ARHGEF2: variants seen among roughly 807,000 people sequenced by gnomAD.
ARHGEF2 encodes Rho/Rac guanine nucleotide exchange factor 2, also known as rho guanine nucleotide exchange factor 2.
In ARHGEF2, 22 loss-of-function variants were observed where a neutral mutation model predicts 121.0. That is an observed-to-expected ratio of 0.18 (90% CI 0.13 to 0.26). The LOEUF (loss-of-function observed/expected upper bound fraction) is 0.26. ARHGEF2 is among the 10% of genes least tolerant of loss of function. ARHGEF2 has a pLI of 1.00. For missense variants in ARHGEF2, 907 were observed against 1,336.0 expected (o/e 0.68, Z 5.01); for synonymous variants, 487 against 530.0 (o/e 0.92, Z 1.11).
chr1:155,965,734 C>A lies in ARHGEF2; in HGVS notation c.367G>T (p.Ala123Ser). ...KTTIRERPSS[A>S]IYPSDSFRQS... ...CGGAAGCTGTCGGAGGGGTAGATGG[C>A]CGAGCTTGGCCGCTCCCGGATGGTT... The change falls in exon 5 of 22, where the codon GCC becomes TCC. Residue 123 changes from alanine (A) to serine (S), a missense_variant. Physicochemically the swap from Ala to Ser is moderately conservative, Grantham distance 99. This residue lies in a region of ARHGEF2 where 475 missense variants were observed against 776.5 expected (regional missense o/e 0.61). Transcript: ENST00000361247. The surrounding 1 kb of genome is among the most constrained non-coding windows in gnomAD (Gnocchi z 6.0). The A allele has an allele frequency of 6.2e-7, 1 of 1,600,336 alleles. No individual in the cohort carries two copies. The highest frequency in any genetic ancestry group is 1.8e-5 in the Admixed American group (1 of 55,308).
At chr1:155,957,996 C>G in intron 12 of ARHGEF2, 114 bp from the exon 13 acceptor site, 1 of 1,132,978 alleles carries the variant, frequency 8.8e-7, no homozygotes, top group Non-Finnish European at 1.2e-6. Context: ...TCTTACAATA[C>G]CAGTTAAGAG....
At chr1:155,949,833 C>T (rs566861047) in intron 21 of ARHGEF2, among the ~76,000 whole-genome samples, 29 of 151,826 alleles carry the variant, frequency 1.9e-4, no homozygotes, top group Admixed American at 1.4e-3. Context: ...GCCAAGATCA[C>T]GCCACTGCAC....
upstream of ARHGEF2, chr1:155,978,653 C>T (rs1039961989): frequency 4.7e-5 from 54 of 1,161,130 alleles, no homozygotes; most frequent in Admixed American, 1.6e-4. This position sits in a 1 kb window ranked among gnomAD's most constrained non-coding sequence, Gnocchi z 4.1. Flanking sequence ...TGCCCGCGCG[C>T]AGGACGGGAC....
intron 2 of ARHGEF2, 158 bp downstream of exon 2, chr1:155,968,993 GAGGAC>G (rs1421028074): frequency 2.5e-6 from 2 of 785,762 alleles, no homozygotes; most frequent in Non-Finnish European, 4.1e-6. Flanking sequence ...CCCTCAGAGT[GAGGAC>G]AGGGAGCAAG....
At chr1:155,953,344 G>A (rs1275002234) in intron 14 of ARHGEF2, among the ~76,000 whole-genome samples, 8 of 151,800 alleles carry the variant, frequency 5.3e-5, no homozygotes, top group South Asian at 2.1e-4. Flanking sequence ...CCTTTAATGA[G>A]AAAATGCATA....
chr1:155,950,991 T>C lies in ARHGEF2; in HGVS notation c.2541A>G (p.Ala847=). The stretch of plus-strand genomic sequence containing the variant: ...CCTCTTCGGCCTCACGCTCCAGCAG[T>C]GCCCGGGCCTGCTCACTCTCCCGGA... ...ARLRESEQAR[A]LLEREAEEAR... The change falls in exon 20 of 22, where the codon GCA becomes GCG. Residue 847 remains alanine, a synonymous_variant. Transcript: ENST00000361247. This position sits in a 1 kb window ranked among gnomAD's most constrained non-coding sequence, Gnocchi z 5.2. 2.5e-6 allele frequency: 4 copies of C among 1,608,706 alleles called. No individual in the cohort carries two copies. Among genetic ancestry groups the C allele is most frequent in the Non-Finnish European group, 3.4e-6 (4 of 1,178,694 alleles).
intron 1 of ARHGEF2, chr1:155,969,823 C>A: frequency 1.5e-5 from 15 of 986,680 alleles, no homozygotes; most frequent in Non-Finnish European, 1.8e-5. Context: ...GCAGGAGATC[C>A]CCTTATTAGA....
rs1351140688 is a variant in ARHGEF2 at position 155,969,187 on chromosome 1, G to A, written c.177C>T (p.Ser59=). 5 of 1,614,242 alleles carry A rather than the reference G, an allele frequency of 3.1e-6. No homozygotes were observed. In the East Asian group the frequency reaches 1.1e-4, roughly 36 times the overall value. Residue 59 remains serine (S), a synonymous_variant, in exon 2 of 22, where the codon AGC becomes AGT. Transcript: ENST00000361247. ...GMTMCYACNK[S]ITAKEALICP... The stretch of plus-strand genomic sequence containing the variant: ...AGATGAGGGCTTCCTTGGCTGTGAT[G>A]CTCTTGTTACAGGCATAGCACATGG...
rs34831517 is a variant in ARHGEF2 at position 155,956,887 on chromosome 1, C to CAAA, written c.1715+823_1715+825dup. 8.5e-4 allele frequency among the ~76,000 whole-genome samples: 68 copies of CAAA among 80,288 alleles called. 1 individual carries two copies. The highest frequency in any genetic ancestry group is 2.0e-3 in the African/African-American group (38 of 19,338). 52.7% of individuals were successfully genotyped at this position (80,288 alleles called of 152,430 possible). A position where few individuals can be genotyped will look rare whatever the true frequency, so the allele number is the denominator to read the frequency against. On this transcript the variant is annotated intron_variant, in intron 13 of 21. Coordinates refer to ENST00000361247, the MANE Select transcript of ARHGEF2 (RefSeq NM_001162383.2). ...AGCCCGGCAACAGAGACTCTGTCTCCAAAAAAAAAAAAAAAAAAAAAAAAT... is the reference window on the plus strand; with the variant it reads ...AGCCCGGCAACAGAGACTCTGTCTCCAAAAAAAAAAAAAAAAAAAAAAAAAAAT...
chr1:155,963,063 C>G lies in ARHGEF2; in HGVS notation c.845G>C (p.Cys282Ser), dbSNP rs765094376. 3 of 1,614,166 alleles carry G rather than the reference C, an allele frequency of 1.9e-6. No individual in the cohort carries two copies. The highest frequency in any genetic ancestry group is 2.5e-6 in the Non-Finnish European group (3 of 1,180,034). Residue 282 changes from cysteine to serine, a missense_variant, in exon 8 of 22, where the codon TGC (cysteine) becomes TCC (serine). By Grantham distance (112) the Cys-to-Ser change is moderately radical. Coordinates refer to ENST00000361247, the MANE Select transcript of ARHGEF2 (RefSeq NM_001162383.2). Reference sequence around the variant, plus strand: ...ATGGATGTCACTGAGCTCGTCCACGCAGGGGAACAGGCCCTGGACCACTCC... The same window carrying G: ...ATGGATGTCACTGAGCTCGTCCACGGAGGGGAACAGGCCCTGGACCACTCC... ...EPGVVQGLFP[C>S]VDELSDIHTR...
At chr1:155,968,871 G>A (rs975716877) in intron 2 of ARHGEF2, 4 of 365,314 alleles carry the variant, frequency 1.1e-5, no homozygotes, top group East Asian at 5.1e-5. Flanking sequence ...GCAGCTGTTC[G>A]GGGAGCAAGG....
chr1:155,969,672 AT>A, intron 1 of ARHGEF2: 1 of 1,037,038 alleles, frequency 9.6e-7, no homozygotes, highest in Non-Finnish European at 1.2e-6. Context: ...TAGGGGGAAG[AT>A]GCGCAGAGAG....
rs769023996 is a variant in ARHGEF2 at position 155,962,915 on chromosome 1, G to A, written c.975+18C>T. ...CCTCCTTCCATGAATGTCACCCAGG[G>A]GTCCTGCCTTTTCCCACCTGGCTGA... is the stretch of plus-strand genomic sequence containing the variant. On this transcript the variant is annotated intron_variant, in intron 8 of 21. Transcript: ENST00000361247. The surrounding 1 kb of genome is among the most constrained non-coding windows in gnomAD (Gnocchi z 5.8). 1.9e-6 allele frequency: 3 copies of A among 1,613,910 alleles called. No individual in the cohort carries two copies. In the South Asian group the frequency reaches 3.3e-5, roughly 18 times the overall value.
At chr1:155,952,083 C>CCTA in intron 16 of ARHGEF2, 33 bp downstream of exon 16, 1 of 1,614,138 alleles carries the variant, frequency 6.2e-7, no homozygotes, top group Non-Finnish European at 8.5e-7. Context: ...GCCCCTCCCA[C>CCTA]CTACTACCTT....
Position 155,947,608 on chromosome 1 carries a change from C to A in ARHGEF2, c.*334G>T. 2.7e-6 allele frequency: 1 copy of A among 369,508 alleles called. No individual in the cohort carries two copies. Among genetic ancestry groups the A allele is most frequent in the Non-Finnish European group, 5.2e-6 (1 of 192,942 alleles). 22.9% of individuals were successfully genotyped at this position (369,508 alleles called of 1,614,324 possible). Reference sequence around the variant, plus strand: ...GTGTTCAAGGACAAGGCCCTCTGATCCCTATGGCTTGGTTCCCATGTCCCT... The same window carrying A: ...GTGTTCAAGGACAAGGCCCTCTGATACCTATGGCTTGGTTCCCATGTCCCT... On this transcript the variant is annotated 3_prime_UTR_variant, in exon 22 of 22. Transcript: ENST00000361247.
At chr1:155,964,692 G>A (rs1678987396) in intron 7 of ARHGEF2, among the ~76,000 whole-genome samples, 1 of 152,014 alleles carries the variant, frequency 6.6e-6, no homozygotes, top group South Asian at 2.1e-4. Flanking sequence ...GGCTGAGGCG[G>A]GCAGATCACC....
rs1395253441 is a variant in ARHGEF2 at position 155,978,399 on chromosome 1, G to A, written c.29C>T (p.Ala10Val). The A allele has an allele frequency of 9.9e-6, 15 of 1,518,580 alleles. No individual in the cohort carries two copies. The highest frequency in any genetic ancestry group is 5.3e-6 in the Non-Finnish European group (6 of 1,124,224). The allele number at this position is 1,518,580 out of a possible 1,614,324, so 94.1% of individuals were successfully genotyped here. Residue 10 changes from alanine (A) to valine (V), a missense_variant, in exon 1 of 22, where the codon GCG becomes GTG. By Grantham distance (64) the Ala-to-Val change is moderately conservative. Coordinates refer to ENST00000361247, the MANE Select transcript of ARHGEF2 (RefSeq NM_001162383.2). The surrounding 1 kb of genome is among the most constrained non-coding windows in gnomAD (Gnocchi z 4.1). The stretch of plus-strand genomic sequence containing the variant: ...CAGCTCTCTGCTCCGGTCGATCCGC[G>A]CCCGCGTGAGGGATTCGATCCGAGA... MSRIESLTR[A>V]RIDRSRELAS...
At chr1:155,974,808 C>T (rs1472522457) in intron 1 of ARHGEF2, among the ~76,000 whole-genome samples, 11 of 151,822 alleles carry the variant, frequency 7.2e-5, no homozygotes, top group Non-Finnish European at 2.9e-5. Flanking sequence ...GCCCCCTACG[C>T]GGCCACACCT....
At chr1:155,964,201 T>TATAC (rs1553245123) in intron 7 of ARHGEF2, among the ~76,000 whole-genome samples, 18 of 114,730 alleles carry the variant, frequency 1.6e-4, no homozygotes, top group African/African-American at 5.1e-4. Flanking sequence ...TATATATACA[T>TATAC]ATATATATAT....
Sources: allele counts gnomAD v4.1 joint callset (sites outside exome capture counted in the v4.1 genomes callset), GRCh38; gene constraint gnomAD v4.1.1; regional missense constraint gnomAD v4.1.1; non-coding constraint Gnocchi (gnomAD v3.1); transcripts MANE v1.5; gene names NCBI Gene and HGNC (gene_info 2026-07-23, HGNC 2026-07-21).